NRXN1: variants seen among roughly 807,000 people sequenced by gnomAD.
NRXN1 encodes neurexin-1.
A neutral mutation model predicts 150.9 loss-of-function variants in NRXN1; 39 were observed. The ratio of observed to expected loss-of-function variants is 0.26; its 90% CI spans 0.20 to 0.34. NRXN1 has a LOEUF of 0.34. Ranked by LOEUF, NRXN1 falls within the 10% of genes least tolerant of loss-of-function variation. NRXN1 has a pLI of 1.00. For synonymous variants in NRXN1, 924 were observed against 757.0 expected (o/e 1.22, Z -3.62); for missense variants, 1,815 against 1,949.9 (o/e 0.93, Z 1.30).
chr2:50,114,828 A>T (rs532478958), intron 18 of NRXN1, among the ~76,000 whole-genome samples: 1 of 152,178 alleles, frequency 6.6e-6, no homozygotes, highest in South Asian at 2.1e-4. Context: ...ATAGAGACAT[A>T]AAAGAACACA....
chr2:50,067,083 T>A (rs1337561603), intron 19 of NRXN1, among the ~76,000 whole-genome samples: 1 of 152,202 alleles, frequency 6.6e-6, no homozygotes, highest in Non-Finnish European at 1.5e-5. Flanking sequence ...CAGCTCCTTA[T>A]GTGAAACAGC....
intron 19 of NRXN1, among the ~76,000 whole-genome samples, chr2:50,065,051 C>T (rs1695157612): frequency 6.6e-6 from 1 of 152,152 alleles, no homozygotes; most frequent in African/African-American, 2.4e-5. Flanking sequence ...AAGTTTCATG[C>T]ATGCTGGGAA....
At chr2:50,690,032 G>A (rs915361824) in intron 5 of NRXN1, among the ~76,000 whole-genome samples, 3 of 151,872 alleles carry the variant, frequency 2.0e-5, no homozygotes, top group Admixed American at 2.0e-4. Context: ...GATTACAGGT[G>A]CCCGCCACTA....
At chr2:50,799,227 A>C (rs917326158) in intron 5 of NRXN1, among the ~76,000 whole-genome samples, 3 of 152,200 alleles carry the variant, frequency 2.0e-5, no homozygotes, top group Non-Finnish European at 4.4e-5. Flanking sequence ...TTATTTGTGT[A>C]CTTTGTTCCA....
chr2:51,000,489 A>G (rs1699887832), intron 2 of NRXN1, among the ~76,000 whole-genome samples: 1 of 151,954 alleles, frequency 6.6e-6, no homozygotes, highest in South Asian at 2.1e-4. Flanking sequence ...TTTTTGAAAT[A>G]ATGGATTATT....
intron 17 of NRXN1, among the ~76,000 whole-genome samples, chr2:50,406,002 C>G (rs1292758366): frequency 6.6e-6 from 1 of 151,998 alleles, no homozygotes; most frequent in Non-Finnish European, 1.5e-5. Flanking sequence ...AATCATTTGT[C>G]CAAGATCATG....
intron 21 of NRXN1, among the ~76,000 whole-genome samples, chr2:50,039,193 A>G (rs1180020387): frequency 6.6e-6 from 1 of 151,918 alleles, no homozygotes; most frequent in Non-Finnish European, 1.5e-5. Context: ...ACAAACAGAC[A>G]AACAAAAACA....
chr2:50,578,796 T>C (rs1006137497), intron 8 of NRXN1, among the ~76,000 whole-genome samples: 1 of 152,166 alleles, frequency 6.6e-6, no homozygotes, highest in East Asian at 1.9e-4. Context: ...ATATTCTAGA[T>C]CTAGATCTAG....
At chr2:49,948,588 A>G (rs1200546089) in intron 21 of NRXN1, among the ~76,000 whole-genome samples, 1 of 152,084 alleles carries the variant, frequency 6.6e-6, no homozygotes, top group Non-Finnish European at 1.5e-5. Flanking sequence ...ATGAAAAATC[A>G]GGAAGTGGCT....
At position 49,940,092 on chromosome 2, in the gene NRXN1, C is replaced by G. The variant is rs143901974; in HGVS notation, c.4216+3612G>C. On this transcript the variant is annotated intron_variant, in intron 22 of 22. Transcript: ENST00000401669. ...ACATAGGACATTTTCAGAGAAAAAG[C>G]CATTTTTTGAAGGTGGGGGAGGGTC... 7.2e-5 allele frequency among the ~76,000 whole-genome samples: 11 copies of G among 152,022 alleles called. 1 individual carries two copies. Among genetic ancestry groups the G allele is most frequent in the African/African-American group, 1.9e-4 (8 of 41,478 alleles).
chr2:50,397,841 T>C (rs534619065), intron 17 of NRXN1, among the ~76,000 whole-genome samples: 138 of 152,234 alleles, frequency 9.1e-4, no homozygotes, highest in Middle Eastern at 3.4e-3. Context: ...GTAACAGAAT[T>C]ATTTCTGTAT....
rs566153245 is a variant in NRXN1 at position 50,714,100 on chromosome 2, A to G, written c.833-90485T>C. On this transcript the variant is annotated intron_variant, in intron 5 of 22. Coordinates refer to ENST00000401669, the MANE Select transcript of NRXN1 (RefSeq NM_001330078.2). ...TTAAAATATTAGAAAAGGTAGCAAG[A>G]TACTTGATAAAGAATAGTGTGAACT... 3.3e-5 allele frequency among the ~76,000 whole-genome samples: 5 copies of G among 152,326 alleles called. No individual in the cohort carries two copies. The East Asian group carries it at 9.7e-4, about 29-fold the overall frequency.
chr2:50,268,402 A>G (rs1340898935), intron 17 of NRXN1, among the ~76,000 whole-genome samples: 1 of 152,160 alleles, frequency 6.6e-6, no homozygotes, highest in East Asian at 1.9e-4. Context: ...ACTACACCCA[A>G]CAGTGACCTG....
At chr2:49,970,766 A>C (rs537086851) in intron 21 of NRXN1, 7 of 152,302 alleles carry the variant, frequency 4.6e-5, no homozygotes, top group African/African-American at 1.7e-4. Context: ...AATTTGCACA[A>C]AGATTATTGT....
At chr2:50,828,233 C>G (rs1250642328) in intron 5 of NRXN1, among the ~76,000 whole-genome samples, 5 of 142,610 alleles carry the variant, frequency 3.5e-5, no homozygotes. Flanking sequence ...GCAGAGGCAC[C>G]CCTCACCTCC....
chr2:50,991,122 G>A (rs901293571), intron 2 of NRXN1, among the ~76,000 whole-genome samples: 1 of 151,920 alleles, frequency 6.6e-6, no homozygotes, highest in African/African-American at 2.4e-5. Flanking sequence ...CAAATAAATG[G>A]CAGGTCTGTC....
chr2:50,980,765 A>C (rs1696661559), intron 2 of NRXN1, among the ~76,000 whole-genome samples: 1 of 152,180 alleles, frequency 6.6e-6, no homozygotes, highest in Non-Finnish European at 1.5e-5. Flanking sequence ...GATATTTATT[A>C]AACCTATCAT....
rs374911816 is a variant in NRXN1 at position 50,514,123 on chromosome 2, A to C, written c.2375-7506T>G. Reference sequence around the variant, plus strand: ...GTTATTTCAGTGGTTAATCTGACTTACTCAATTAAACCATTTATCGAGCAT... The same window carrying C: ...GTTATTTCAGTGGTTAATCTGACTTCCTCAATTAAACCATTTATCGAGCAT... On this transcript the variant is annotated intron_variant, in intron 12 of 22. Coordinates refer to ENST00000401669, the MANE Select transcript of NRXN1 (RefSeq NM_001330078.2). 2.3e-4 allele frequency among the ~76,000 whole-genome samples: 35 copies of C among 152,262 alleles called. 1 individual carries two copies. In the South Asian group the frequency reaches 6.6e-3, roughly 29 times the overall value.
intron 17 of NRXN1, among the ~76,000 whole-genome samples, chr2:50,451,928 C>A (rs2087004542): frequency 6.6e-6 from 1 of 152,118 alleles, no homozygotes; most frequent in African/African-American, 2.4e-5. Context: ...TACACATACA[C>A]AATTATATTA....
Sources: gnomAD v4.1 joint callset for allele counts (sites outside exome capture counted in the v4.1 genomes callset) on GRCh38, gnomAD v4.1.1 for gene constraint, MANE v1.5 for transcripts, NCBI Gene and HGNC (gene_info 2026-07-23, HGNC 2026-07-21) for gene names.